Variants in TPD52L3 observed in about 807,000 individuals in gnomAD.
TPD52L3 encodes the protein TPD52 like 3, also known as tumor protein D55.
In TPD52L3, 12 loss-of-function variants were observed where a neutral mutation model predicts 8.7. The ratio of observed to expected loss-of-function variants is 1.38; its 90% CI spans 0.89 to 2.24. The LOEUF (loss-of-function observed/expected upper bound fraction) is 2.24. Ranked by LOEUF, TPD52L3 falls within the 30% of genes most tolerant of loss-of-function variation. The pLI is 0.00. For missense variants in TPD52L3, 207 were observed against 158.7 expected (o/e 1.30, Z -1.64); for synonymous variants, 79 against 66.8 (o/e 1.18, Z -0.89).
At position 6,329,892 on chromosome 9, in the gene TPD52L3, A is replaced by G. The variant is rs1365432902; in HGVS notation, c.367+930A>G. 9 of 1,231,700 alleles carry G rather than the reference A, an allele frequency of 7.3e-6. No homozygotes were observed. The African/African-American group carries it at 1.4e-4, about 19-fold the overall frequency. 76.3% of individuals were successfully genotyped at this position (1,231,700 alleles called of 1,614,324 possible). A position where few individuals can be genotyped will look rare whatever the true frequency, so the allele number is the denominator to read the frequency against. On this transcript the variant is annotated intron_variant, in intron 1 of 1. Transcript: ENST00000314556. ...TGCTTTGTTTATAATTTCTTTATAT[A>G]TCAAAATGAGTGTTTTAAAGTTTAA...
chr9:6,330,719 G>C, intron 1 of TPD52L3: 1 of 1,260,726 alleles, frequency 7.9e-7, no homozygotes, highest in Non-Finnish European at 1.0e-6. Flanking sequence ...GGCTTTGTAT[G>C]CTGGAGAACA....
intron 1 of TPD52L3, chr9:6,330,166 C>G (rs1440992475): frequency 6.2e-7 from 1 of 1,614,018 alleles, no homozygotes. Flanking sequence ...AACTCCAAGT[C>G]TGCCCTTCTT....
Position 6,328,713 on chromosome 9 carries a change from G to C in TPD52L3, c.118G>C (p.Glu40Gln). ...RELKTKLTKL[E>Q]AEIVTLRHVL... ...GCTCAAAACCAAACTCACTAAATTG[G>C]AGGCTGAAATTGTAACCCTACGCCA... Residue 40 changes from glutamate (E) to glutamine (Q), a missense_variant, in exon 1 of 2, where the codon GAG (glutamate) becomes CAG (glutamine). Coordinates refer to ENST00000314556, the MANE Select transcript of TPD52L3 (RefSeq NM_001001874.3). The C allele has an allele frequency of 6.2e-7, 1 of 1,614,160 alleles. No homozygotes were observed. Among genetic ancestry groups the C allele is most frequent in the Admixed American group, 1.7e-5 (1 of 60,034 alleles).
chr9:6,330,303 T>A (rs1818127444), intron 1 of TPD52L3: 2 of 1,571,570 alleles, frequency 1.3e-6, no homozygotes, highest in Admixed American at 2.0e-5. Context: ...ACTTTTTGTT[T>A]GTTTTCCTTT....
Position 6,331,011 on chromosome 9 carries a change from A to C in TPD52L3, c.403A>C (p.Arg135=). The change falls in exon 2 of 2, where the codon AGG becomes CGG. Residue 135 remains arginine, a synonymous_variant. Transcript: ENST00000314556. ...CAATAAATACACGTTAAATCAAGGA[A>C]GGAATTAACATCATATACTTCAGAC... The part of the protein sequence containing the change: ...IFNKYTLNQG[R]N 1 of 1,612,690 alleles carries C rather than the reference A, an allele frequency of 6.2e-7. No homozygotes were observed. Among genetic ancestry groups the C allele is most frequent in the Non-Finnish European group, 8.5e-7 (1 of 1,179,140 alleles).
chr9:6,329,842 A>C, intron 1 of TPD52L3: 1 of 1,137,538 alleles, frequency 8.8e-7, no homozygotes, highest in Non-Finnish European at 1.1e-6. Context: ...CTTTGAACAC[A>C]AACTGAAATT....
rs753567680 is a variant in TPD52L3, at chr9:6,328,733, A to G, written c.138A>G (p.Leu46=). 2 of 1,614,028 alleles carry G rather than the reference A, an allele frequency of 1.2e-6. No homozygotes were observed. The highest frequency in any genetic ancestry group is 2.2e-5 in the East Asian group (1 of 44,872). ...LTKLEAEIVT[L]RHVLAAKERR... ...AATTGGAGGCTGAAATTGTAACCCTACGCCACGTACTAGCAGCCAAAGAGA... is the reference window on the plus strand; with the variant it reads ...AATTGGAGGCTGAAATTGTAACCCTGCGCCACGTACTAGCAGCCAAAGAGA... The change falls in exon 1 of 2, where the codon CTA becomes CTG. Residue 46 remains leucine (L), a synonymous_variant. Coordinates refer to ENST00000314556, the MANE Select transcript of TPD52L3 (RefSeq NM_001001874.3).
At position 6,331,058 on chromosome 9, in the gene TPD52L3, A is replaced by C; in HGVS notation, c.*39A>C. 6.3e-7 allele frequency: 1 copy of C among 1,584,108 alleles called. No individual in the cohort carries two copies. The highest frequency in any genetic ancestry group is 8.6e-7 in the Non-Finnish European group (1 of 1,161,608). ...AGACATCAAATATGGAATCCAAGAG[A>C]CTATCAACAACATGAACTTGTTCAC... On this transcript the variant is annotated 3_prime_UTR_variant, in exon 2 of 2. Coordinates refer to ENST00000314556, the MANE Select transcript of TPD52L3 (RefSeq NM_001001874.3).
At position 6,328,892 on chromosome 9, in the gene TPD52L3, C is replaced by T. The variant is rs1479889494; in HGVS notation, c.297C>T (p.Ser99=). The change falls in exon 1 of 2, where the codon TCC becomes TCT. Residue 99 remains serine, a synonymous_variant. Transcript: ENST00000314556. ...AACAGAAGACATCAGCTGCTCTGTC[C>T]ACCATGGGCACTCTCATCTGCAGGA... is the stretch of plus-strand genomic sequence containing the variant. ...YVKQKTSAAL[S]TMGTLICRKL... is the part of the protein sequence containing the mutation. 6.2e-7 allele frequency: 1 copy of T among 1,614,208 alleles called. No homozygotes were observed.
intron 1 of TPD52L3, 45 bp from the exon 2 acceptor site, chr9:6,330,931 A>G (rs1214595862): frequency 6.2e-7 from 1 of 1,607,794 alleles, no homozygotes; most frequent in East Asian, 2.2e-5. Context: ...GTAGTAAAGT[A>G]CATATTTATT....
Position 6,328,536 on chromosome 9 carries a change from G to T in TPD52L3, c.-60G>T. On this transcript the variant is annotated 5_prime_UTR_variant, in exon 1 of 2. Coordinates refer to ENST00000314556, the MANE Select transcript of TPD52L3 (RefSeq NM_001001874.3). ...TTATTTCTCTGCAGCCCAATAATTC[G>T]ACTCTTTCTACCAAGAATTGGACCT... The T allele has an allele frequency of 1.3e-6, 2 of 1,554,058 alleles. No individual in the cohort carries two copies. The highest frequency in any genetic ancestry group is 2.4e-5 in the South Asian group (2 of 82,590).
chr9:6,330,946 C>T (rs369424720), intron 1 of TPD52L3, 30 bp from the exon 2 acceptor site: 7 of 1,609,066 alleles, frequency 4.4e-6, no homozygotes, highest in South Asian at 2.2e-5. Context: ...TTTATTTTTG[C>T]TGATCATTGT....
Position 6,328,478 on chromosome 9 carries a change from T to C in TPD52L3, c.-118T>C. 7.9e-7 allele frequency: 1 copy of C among 1,269,430 alleles called. No homozygotes were observed. Among genetic ancestry groups the C allele is most frequent in the Middle Eastern group, 2.1e-4 (1 of 4,830 alleles). The allele number at this position is 1,269,430 out of a possible 1,614,324, so 78.6% of individuals were successfully genotyped here. The stretch of plus-strand genomic sequence containing the variant: ...ACTCCACCTGCCAAGAGTCTGAGCC[T>C]GCAGGCCTAGATTTCGACTCTGCTG... On this transcript the variant is annotated 5_prime_UTR_variant, in exon 1 of 2. Coordinates refer to ENST00000314556, the MANE Select transcript of TPD52L3 (RefSeq NM_001001874.3).
In TPD52L3 at chr9:6,328,624, T is replaced by A. The variant is rs369621175; in HGVS notation, c.29T>A (p.Val10Glu). ...CCACATGCCAGGACAGAGACCTCTG[T>A]GGGCACATATGAATCCCACTCGACT... Reference protein sequence around the residue: MPHARTETSVGTYESHSTSE... With the variant: MPHARTETSEGTYESHSTSE... The change falls in exon 1 of 2, where the codon GTG becomes GAG. Residue 10 changes from valine (V) to glutamate (E), a missense_variant. Val to Glu is a moderately radical substitution (Grantham distance 121). Coordinates refer to ENST00000314556, the MANE Select transcript of TPD52L3 (RefSeq NM_001001874.3). 9.9e-6 allele frequency: 16 copies of A among 1,613,974 alleles called. No individual in the cohort carries two copies. Among genetic ancestry groups the A allele is most frequent in the Non-Finnish European group, 1.4e-5 (16 of 1,180,032 alleles).
chr9:6,329,879 A>C, intron 1 of TPD52L3: 1 of 1,211,118 alleles, frequency 8.3e-7, no homozygotes, highest in Non-Finnish European at 1.0e-6. Flanking sequence ...CTTTGTTTAT[A>C]ATTTCTTTAT....
Position 6,328,515 on chromosome 9 carries a change from T to G in TPD52L3, c.-81T>G. The G allele has an allele frequency of 6.6e-7, 1 of 1,508,338 alleles. No homozygotes were observed. The highest frequency in any genetic ancestry group is 8.9e-7 in the Non-Finnish European group (1 of 1,125,884). The allele number at this position is 1,508,338 out of a possible 1,614,324, so 93.4% of individuals were successfully genotyped here. A position where few individuals can be genotyped will look rare whatever the true frequency, so the allele number is the denominator to read the frequency against. On this transcript the variant is annotated 5_prime_UTR_variant, in exon 1 of 2. It adds an upstream start codon to the 5' untranslated region. Coordinates refer to ENST00000314556, the MANE Select transcript of TPD52L3 (RefSeq NM_001001874.3). Reference sequence around the variant, plus strand: ...TTTCGACTCTGCTGGCCAAGATTATTTCTCTGCAGCCCAATAATTCGACTC... The same window carrying G: ...TTTCGACTCTGCTGGCCAAGATTATGTCTCTGCAGCCCAATAATTCGACTC...
intron 1 of TPD52L3, chr9:6,330,100 CCT>C: frequency 1.9e-6 from 3 of 1,596,552 alleles, no homozygotes; most frequent in Non-Finnish European, 2.6e-6. Context: ...ACGTCTGTCC[CCT>C]GTGATGCTGG....
chr9:6,331,265 C>T lies in TPD52L3; in HGVS notation c.*246C>T. 2.8e-6 allele frequency: 1 copy of T among 362,242 alleles called. No homozygotes were observed. The allele number at this position is 362,242 out of a possible 1,614,324, so 22.4% of individuals were successfully genotyped here. A position where few individuals can be genotyped will look rare whatever the true frequency, so the allele number is the denominator to read the frequency against. On this transcript the variant is annotated 3_prime_UTR_variant, in exon 2 of 2. Coordinates refer to ENST00000314556, the MANE Select transcript of TPD52L3 (RefSeq NM_001001874.3). ...ATGAGTCCTAAAATAGAGCTGTGTGCCAGAGATAAAAGAAGTCCTGAGGAA... is the reference window on the plus strand; with the variant it reads ...ATGAGTCCTAAAATAGAGCTGTGTGTCAGAGATAAAAGAAGTCCTGAGGAA...
intron 1 of TPD52L3, chr9:6,330,482 G>T: frequency 7.8e-7 from 1 of 1,281,536 alleles, no homozygotes; most frequent in Non-Finnish European, 9.9e-7. Flanking sequence ...CTAAGAGGAT[G>T]ATTCTGTTTT....
Sources: gnomAD v4.1 joint callset for allele counts on GRCh38, gnomAD v4.1.1 for gene constraint, MANE v1.5 for transcripts, NCBI Gene and HGNC (gene_info 2026-07-23, HGNC 2026-07-21) for gene names.